The following DNAH14 variants were observed in gnomAD, a reference collection of about 807,000 sequenced individuals.
DNAH14 encodes dynein axonemal heavy chain 14.
DNAH14 carries 478 observed loss-of-function variants against 520.9 expected under a neutral mutation model. That is an observed-to-expected ratio of 0.92 (90% CI 0.85 to 0.99). DNAH14 has a LOEUF of 0.99. Ranked by LOEUF, DNAH14 falls within the 50% of genes least tolerant of loss-of-function variation. The pLI is 0.00. For synonymous variants in DNAH14, 1,581 were observed against 1,757.2 expected, an observed-to-expected ratio of 0.90 and a Z score of 2.51; for missense variants, 4,831 against 5,234.5, an observed-to-expected ratio of 0.92 and a Z score of 2.38.
Position 225,266,713 on chromosome 1 carries a change from A to G in DNAH14, c.7483A>G (p.Ile2495Val). The G allele has an allele frequency of 6.5e-7, 1 of 1,528,902 alleles. No individual in the cohort carries two copies. Among genetic ancestry groups the G allele is most frequent in the Admixed American group, 2.3e-5 (1 of 43,302 alleles). 94.7% of individuals were successfully genotyped at this position (1,528,902 alleles called of 1,614,324 possible). Residue 2495 changes from isoleucine (I) to valine (V), a missense_variant, in exon 49 of 86, where the codon ATA (isoleucine) becomes GTA (valine). Coordinates refer to ENST00000682510, the MANE Select transcript of DNAH14 (RefSeq NM_001367479.1). Reference sequence around the variant, plus strand: ...TGGAGCACAGCCACCCCTGGAATTGATAAGACAATTGTTAGATTTGGGAGG... The same window carrying G: ...TGGAGCACAGCCACCCCTGGAATTGGTAAGACAATTGTTAGATTTGGGAGG... The part of the protein sequence containing the change: ...MYGAQPPLEL[I>V]RQLLDLGGVY...
intron 22 of DNAH14, among the ~76,000 whole-genome samples, chr1:225,097,554 A>C (rs2075098233): frequency 6.6e-6 from 1 of 152,136 alleles, no homozygotes. Flanking sequence ...CAGGTGGATC[A>C]CTTGAGGTCA....
intron 1 of DNAH14, among the ~76,000 whole-genome samples, chr1:224,936,338 A>G (rs2059034460): frequency 2.6e-5 from 4 of 151,772 alleles, no homozygotes; most frequent in African/African-American, 7.2e-5. Flanking sequence ...CAAACCAGAA[A>G]AGGAGAGAGA....
At chr1:225,308,493 A>C in intron 60 of DNAH14, 83 bp downstream of exon 60, 4 of 1,377,974 alleles carry the variant, frequency 2.9e-6, no homozygotes, top group Non-Finnish European at 3.9e-6. Context: ...AGTCAGACTG[A>C]CTAGTCTTAA....
chr1:225,239,230 A>T (rs187885563), intron 42 of DNAH14, among the ~76,000 whole-genome samples: 1 of 151,888 alleles, frequency 6.6e-6, no homozygotes, highest in East Asian at 1.9e-4. Context: ...GAGTACTTAA[A>T]ACTCCTAGGT....
chr1:225,121,807 C>T lies in DNAH14; in HGVS notation c.4167-1720C>T, dbSNP rs150932327. 3.9e-3 allele frequency among the ~76,000 whole-genome samples: 586 copies of T among 151,910 alleles called. 5 individuals are homozygous for T. Among genetic ancestry groups the T allele is most frequent in the African/African-American group, 0.013 (554 of 41,422 alleles). ...AGTGAGCTGAGATTGTGCCACTGCA[C>T]TCCAGCCTGGGTGACAGAGCGAGAC... On this transcript the variant is annotated intron_variant, in intron 26 of 85. Coordinates refer to ENST00000682510, the MANE Select transcript of DNAH14 (RefSeq NM_001367479.1).
chr1:225,179,417 A>T (rs965491740), intron 36 of DNAH14, among the ~76,000 whole-genome samples: 2 of 152,114 alleles, frequency 1.3e-5, no homozygotes, highest in East Asian at 3.9e-4. Flanking sequence ...GTTCTGAAAA[A>T]TCATAGTTAT....
intron 27 of DNAH14, among the ~76,000 whole-genome samples, chr1:225,135,790 C>G (rs1254603100): frequency 6.6e-6 from 1 of 152,074 alleles, no homozygotes; most frequent in Non-Finnish European, 1.5e-5. Flanking sequence ...GTGTGGGAGA[C>G]TAAATCTCTT....
chr1:225,268,066 A>G (rs2093183549), intron 49 of DNAH14, among the ~76,000 whole-genome samples: 1 of 152,152 alleles, frequency 6.6e-6, no homozygotes, highest in Non-Finnish European at 1.5e-5. Context: ...CATTCTAGAG[A>G]CACACTCAAT....
chr1:225,316,072 A>G (rs767345127), intron 60 of DNAH14, among the ~76,000 whole-genome samples: 1 of 152,184 alleles, frequency 6.6e-6, no homozygotes, highest in Non-Finnish European at 1.5e-5. Context: ...ATCTAGAGAG[A>G]GAGTCTGGCT....
At chr1:225,264,513 G>A (rs927263676) in intron 47 of DNAH14, among the ~76,000 whole-genome samples, 2 of 152,106 alleles carry the variant, frequency 1.3e-5, no homozygotes, top group Admixed American at 1.3e-4. Context: ...GGATATATCA[G>A]TGGAAGAGTA....
intron 77 of DNAH14, among the ~76,000 whole-genome samples, chr1:225,374,372 C>T (rs1399565209): frequency 1.3e-5 from 2 of 149,488 alleles, no homozygotes; most frequent in Non-Finnish European, 3.0e-5. Context: ...AGTTATTCTC[C>T]TGCCTCAGCC....
Position 225,388,354 on chromosome 1 carries a change from T to C in DNAH14, c.13078-25T>C, listed in dbSNP as rs372199027. 2.6e-4 allele frequency: 368 copies of C among 1,408,416 alleles called. 1 individual carries two copies. The African/African-American group carries it at 4.8e-3, about 18-fold the overall frequency. The allele number at this position is 1,408,416 out of a possible 1,614,324, so 87.2% of individuals were successfully genotyped here. The stretch of plus-strand genomic sequence containing the variant: ...CCCCAAAGACAAAGAAAAAAAATGA[T>C]GTGACTGTCTTTAAATCCCAACAGA... On this transcript the variant is annotated intron_variant, in intron 81 of 85. Coordinates refer to ENST00000682510, the MANE Select transcript of DNAH14 (RefSeq NM_001367479.1).
At chr1:225,174,987 G>T (rs1337091813) in intron 36 of DNAH14, among the ~76,000 whole-genome samples, 2 of 152,060 alleles carry the variant, frequency 1.3e-5, no homozygotes, top group African/African-American at 4.8e-5. Flanking sequence ...TTACTGTTTT[G>T]CATATGTTGA....
chr1:225,345,944 C>A lies in DNAH14; in HGVS notation c.10679-18C>A. On this transcript the variant is annotated intron_variant, in intron 69 of 85. Coordinates refer to ENST00000682510, the MANE Select transcript of DNAH14 (RefSeq NM_001367479.1). ...TTACAATAGTCTTTATTTAACTTCACTTTTTGTTTGTCTTTAGGATCCATA... is the reference window on the plus strand; with the variant it reads ...TTACAATAGTCTTTATTTAACTTCAATTTTTGTTTGTCTTTAGGATCCATA... 2 of 1,527,990 alleles carry A rather than the reference C, an allele frequency of 1.3e-6. No homozygotes were observed. Among genetic ancestry groups the A allele is most frequent in the South Asian group, 1.2e-5 (1 of 80,974 alleles). 94.7% of individuals were successfully genotyped at this position (1,527,990 alleles called of 1,614,324 possible). A position where few individuals can be genotyped will look rare whatever the true frequency, so the allele number is the denominator to read the frequency against.
intron 8 of DNAH14, among the ~76,000 whole-genome samples, chr1:224,994,669 A>G (rs956939239): frequency 1.3e-5 from 2 of 152,066 alleles, no homozygotes; most frequent in Non-Finnish European, 2.9e-5. Flanking sequence ...TTTATATTCA[A>G]GGTAATTATG....
intron 60 of DNAH14, among the ~76,000 whole-genome samples, chr1:225,309,609 A>C (rs893230566): frequency 1.3e-5 from 2 of 152,122 alleles, no homozygotes; most frequent in Admixed American, 6.6e-5. Flanking sequence ...AAATATGAGT[A>C]AGGGGCCGAG....
chr1:224,984,748 T>C (rs1374929384), intron 8 of DNAH14, among the ~76,000 whole-genome samples: 1 of 152,008 alleles, frequency 6.6e-6, no homozygotes, highest in Non-Finnish European at 1.5e-5. Flanking sequence ...ATCCAGAATC[T>C]ACAATGAATT....
chr1:224,933,167 A>T (rs1222830508), intron 1 of DNAH14, among the ~76,000 whole-genome samples: 3 of 151,922 alleles, frequency 2.0e-5, no homozygotes, highest in Non-Finnish European at 4.4e-5. Context: ...ATTTATTTTT[A>T]GGTATTTTTC....
At chr1:225,314,817 G>T (rs1042506667) in intron 60 of DNAH14, among the ~76,000 whole-genome samples, 6 of 152,190 alleles carry the variant, frequency 3.9e-5, no homozygotes, top group Non-Finnish European at 7.3e-5. Context: ...CTGTTAGTCT[G>T]ATGGGCTTCC....
Sources: allele counts gnomAD v4.1 joint callset (sites outside exome capture counted in the v4.1 genomes callset), GRCh38; gene constraint gnomAD v4.1.1; transcripts MANE v1.5; gene names NCBI Gene and HGNC (gene_info 2026-07-23, HGNC 2026-07-21).